PPA1: variants seen among roughly 807,000 people sequenced by gnomAD.
The protein encoded by PPA1 is inorganic pyrophosphatase.
Under a neutral mutation model 41.8 loss-of-function variants are expected in PPA1, and 23 were observed. That is an observed-to-expected ratio of 0.55 (90% confidence interval 0.40 to 0.78). The LOEUF is 0.78. Among genes scored for constraint, PPA1 ranks in the 30% least tolerant of loss-of-function variants. PPA1 has a pLI of 0.00. For missense variants in PPA1, 320 were observed against 361.6 expected, an observed-to-expected ratio of 0.89 and a Z score of 0.93; for synonymous variants, 101 against 116.8, an observed-to-expected ratio of 0.86 and a Z score of 0.87.
At chr10:70,230,436 A>G (rs770135317) in intron 1 of PPA1, 37 bp from the exon 2 acceptor site, 10 of 1,562,822 alleles carry the variant, frequency 6.4e-6, no homozygotes, top group Non-Finnish European at 8.7e-6. Context: ...TACTATAATT[A>G]ATTGTATTGC....
At chr10:70,221,015 ATTT>A (rs1840153005) in intron 2 of PPA1, among the ~76,000 whole-genome samples, 2 of 70,636 alleles carry the variant, frequency 2.8e-5, no homozygotes, top group Non-Finnish European at 4.7e-5. Flanking sequence ...CATATATATA[ATTT>A]ATATATATAA....
chr10:70,230,282 A>C, intron 2 of PPA1, 59 bp downstream of exon 2: 2 of 1,567,592 alleles, frequency 1.3e-6, no homozygotes, highest in Non-Finnish European at 1.7e-6. Context: ...AAGAAAATTC[A>C]TATGTAGAAC....
Position 70,214,552 on chromosome 10 carries a change from G to A in PPA1, c.332C>T (p.Thr111Ile). ...WEDPGHNDKHTGCCGDNDPID... is the reference protein window; with the variant it reads ...WEDPGHNDKHIGCCGDNDPID... ...TGGGTCATTGTCACCACAACAGCCAGTATGTTTATCATTGTGCCCTGGGTC... is the reference window on the plus strand; with the variant it reads ...TGGGTCATTGTCACCACAACAGCCAATATGTTTATCATTGTGCCCTGGGTC... The change falls in exon 5 of 11, where the codon ACT (threonine) becomes ATT (isoleucine). Residue 111 changes from threonine to isoleucine, a missense_variant. By Grantham distance (89) the Thr-to-Ile change is moderately conservative. Coordinates refer to ENST00000373232, the MANE Select transcript of PPA1 (RefSeq NM_021129.4). 6.2e-7 allele frequency: 1 copy of A among 1,613,748 alleles called. No individual in the cohort carries two copies. Among genetic ancestry groups the A allele is most frequent in the Non-Finnish European group, 8.5e-7 (1 of 1,179,772 alleles).
chr10:70,221,854 T>C (rs148691671), intron 2 of PPA1, among the ~76,000 whole-genome samples: 120 of 152,294 alleles, frequency 7.9e-4, no homozygotes, highest in African/African-American at 2.7e-3. Context: ...GTTTAGAAAC[T>C]ATATTGAACA....
intron 2 of PPA1, among the ~76,000 whole-genome samples, 195 bp from the exon 3 acceptor site, chr10:70,219,012 G>C (rs1840106869): frequency 6.6e-6 from 1 of 152,118 alleles, no homozygotes; most frequent in African/African-American, 2.4e-5. Flanking sequence ...ATTCATTATA[G>C]AATCAAGGTG....
intron 2 of PPA1, among the ~76,000 whole-genome samples, chr10:70,227,040 T>C (rs934823605): frequency 6.6e-6 from 1 of 152,248 alleles, no homozygotes; most frequent in Non-Finnish European, 1.5e-5. Flanking sequence ...TTGAGCACTT[T>C]AAGATTTAGA....
chr10:70,220,695 A>ATATATATATAATATATATAATT lies in PPA1; in HGVS notation c.124-1900_124-1879dup, dbSNP rs1564584190. Among the ~76,000 whole-genome samples the ATATATATATAATATATATAATT allele has an allele frequency of 2.3e-3, 10 of 4,282 alleles. 2 individuals carry two copies. The highest frequency in any genetic ancestry group is 3.3e-3 in the Non-Finnish European group (10 of 3,046). The allele number at this position is 4,282 out of a possible 152,430, so 2.8% of individuals were successfully genotyped here. On this transcript the variant is annotated intron_variant, in intron 2 of 10. Transcript: ENST00000373232. ...TATATATATATAATATATATAATTTATATATATATAATATATATAATTTAT... is the reference window on the plus strand; with the variant it reads ...TATATATATATAATATATATAATTTATATATATATAATATATATAATTTATATATATAATATATATAATTTAT...
At chr10:70,212,075 T>G (rs1840026470) in intron 6 of PPA1, among the ~76,000 whole-genome samples, 1 of 152,096 alleles carries the variant, frequency 6.6e-6, no homozygotes, top group Non-Finnish European at 1.5e-5. Flanking sequence ...AAAGTCATCC[T>G]CTCCTCTCCC....
chr10:70,221,074 AT>A (rs1840159945), intron 2 of PPA1, among the ~76,000 whole-genome samples: 1 of 20,832 alleles, frequency 4.8e-5, no homozygotes, highest in African/African-American at 3.2e-4. Flanking sequence ...ATATATATAT[AT>A]ATTTTTTTTT....
chr10:70,217,862 T>A lies in PPA1; in HGVS notation c.247A>T (p.Asn83Tyr). 1 of 1,607,228 alleles carries A rather than the reference T, an allele frequency of 6.2e-7. No individual in the cohort carries two copies. Among genetic ancestry groups the A allele is most frequent in the Non-Finnish European group, 8.5e-7 (1 of 1,175,722 alleles). Residue 83 changes from asparagine to tyrosine, a missense_variant, in exon 4 of 11, where the codon AAT becomes TAT. Asn to Tyr is a moderately radical substitution (Grantham distance 143). Coordinates refer to ENST00000373232, the MANE Select transcript of PPA1 (RefSeq NM_021129.4). ...ATATATCCTTTATACGGGAACAAAT[T>A]CGCAACATAGCGAAGTTTTCCTTTT... ...VKKGKLRYVANLFPYKGYIWN... is the reference protein window; with the variant it reads ...VKKGKLRYVAYLFPYKGYIWN...
rs545250120 is a variant in PPA1, at chr10:70,205,861, A to C, written c.795+403T>G. 277 of 158,990 alleles carry C rather than the reference A, an allele frequency of 1.7e-3. 2 individuals carry two copies. The highest frequency in any genetic ancestry group is 6.2e-3 in the African/African-American group (260 of 41,830). The allele number at this position is 158,990 out of a possible 1,614,324, so 9.8% of individuals were successfully genotyped here. On this transcript the variant is annotated intron_variant, in intron 9 of 10. Coordinates refer to ENST00000373232, the MANE Select transcript of PPA1 (RefSeq NM_021129.4). ...TACCTCACATGAAAGCCTTTCTTAGATTATGAATCATTCCTGCAATGGTAC... is the reference window on the plus strand; with the variant it reads ...TACCTCACATGAAAGCCTTTCTTAGCTTATGAATCATTCCTGCAATGGTAC...
At chr10:70,221,072 ATATAT>A (rs1564584636) in intron 2 of PPA1, among the ~76,000 whole-genome samples, 5 of 16,466 alleles carry the variant, frequency 3.0e-4, no homozygotes, top group African/African-American at 2.0e-3. Context: ...ATATATATAT[ATATAT>A]TTTTTTTTTT....
intron 6 of PPA1, 90 bp downstream of exon 6, chr10:70,213,373 G>A: frequency 2.0e-6 from 3 of 1,474,456 alleles, no homozygotes; most frequent in Non-Finnish European, 2.8e-6. Flanking sequence ...CAGTTTGAAG[G>A]TAAGGGCTTA....
Position 70,213,363 on chromosome 10 carries a change from C to T in PPA1, c.511+100G>A. On this transcript the variant is annotated intron_variant, in intron 6 of 10. Coordinates refer to ENST00000373232, the MANE Select transcript of PPA1 (RefSeq NM_021129.4). Reference sequence around the variant, plus strand: ...AGTGCTTTGTTCCTCCATCCTTTAACAGTTTGAAGGTAAGGGCTTACAATT... The same window carrying T: ...AGTGCTTTGTTCCTCCATCCTTTAATAGTTTGAAGGTAAGGGCTTACAATT... 6.6e-6 allele frequency: 9 copies of T among 1,368,516 alleles called. No homozygotes were observed. In the South Asian group the frequency reaches 1.3e-4, roughly 19 times the overall value. 84.8% of individuals were successfully genotyped at this position (1,368,516 alleles called of 1,614,324 possible).
intron 9 of PPA1, 137 bp downstream of exon 9, chr10:70,206,127 A>G (rs903593887): frequency 3.6e-5 from 24 of 667,930 alleles, no homozygotes; most frequent in Non-Finnish European, 4.8e-5. Flanking sequence ...CATGGTTTCT[A>G]ATTTCAAGAC....
rs1839985118 is a variant in PPA1, at chr10:70,209,202, T to C, written c.725+3A>G. On this transcript the variant is annotated splice_donor_region_variant and intron_variant, in intron 8 of 10. Transcript: ENST00000373232. ...GTTAAACATGCAAAGTGTTTACACT[T>C]ACCAACTGATTCCTTTTCCATTCGT... 1 of 1,578,416 alleles carries C rather than the reference T, an allele frequency of 6.3e-7. No homozygotes were observed. The highest frequency in any genetic ancestry group is 8.7e-7 in the Non-Finnish European group (1 of 1,147,910).
chr10:70,222,063 T>TGG (rs1459519801), intron 2 of PPA1, among the ~76,000 whole-genome samples: 2 of 150,686 alleles, frequency 1.3e-5, no homozygotes, highest in African/African-American at 2.4e-5. Flanking sequence ...GGCCGGGGGG[T>TGG]GGTGGCTCAC....
intron 2 of PPA1, among the ~76,000 whole-genome samples, chr10:70,222,377 A>AAAC (rs1236646284): frequency 6.6e-6 from 1 of 152,028 alleles, no homozygotes; most frequent in Non-Finnish European, 1.5e-5. Context: ...GCTGGGCGAA[A>AAAC]AACAACAAGG....
At chr10:70,221,796 T>C (rs987498341) in intron 2 of PPA1, among the ~76,000 whole-genome samples, 5 of 152,272 alleles carry the variant, frequency 3.3e-5, no homozygotes, top group East Asian at 1.9e-4. Context: ...AATGAATACA[T>C]TGCTTCAAGA....
Sources: allele counts gnomAD v4.1 joint callset (sites outside exome capture counted in the v4.1 genomes callset), GRCh38; gene constraint gnomAD v4.1.1; transcripts MANE v1.5; gene names NCBI Gene and HGNC (gene_info 2026-07-23, HGNC 2026-07-21).